Variants in FAT1 observed in about 807,000 individuals in gnomAD.
FAT1 encodes FAT atypical cadherin 1.
A neutral mutation model predicts 329.8 loss-of-function variants in FAT1; 171 were observed. That is an observed-to-expected ratio of 0.52 (90% CI 0.46 to 0.59). FAT1 has a LOEUF of 0.59. FAT1 is among the 20% of genes least tolerant of loss of function. FAT1 has a pLI of 0.00. For missense variants in FAT1, 5,672 were observed against 5,774.4 expected (o/e 0.98, Z 0.57); for synonymous variants, 2,233 against 2,228.6 (o/e 1.00, Z -0.06).
chr4:186,638,959 G>A (rs746154632), intron 4 of FAT1, among the ~76,000 whole-genome samples: 22 of 151,830 alleles, frequency 1.4e-4, no homozygotes, highest in Non-Finnish European at 2.8e-4. Context: ...CTGACGACAC[G>A]GCCCAGAGAT....
chr4:186,602,121 C>A (rs1385213612), intron 20 of FAT1, among the ~76,000 whole-genome samples: 1 of 152,052 alleles, frequency 6.6e-6, no homozygotes, highest in Non-Finnish European at 1.5e-5. Flanking sequence ...CAGAGAAATG[C>A]AAATTAAAAT....
At chr4:186,616,030 G>A (rs917134002) in intron 11 of FAT1, among the ~76,000 whole-genome samples, 10 of 152,042 alleles carry the variant, frequency 6.6e-5, no homozygotes, top group Middle Eastern at 3.4e-3. Context: ...GTAGAAAGTC[G>A]GGCTCGATGG....
intron 3 of FAT1, among the ~76,000 whole-genome samples, chr4:186,652,678 G>A (rs1037441925): frequency 4.6e-5 from 7 of 152,008 alleles, no homozygotes; most frequent in African/African-American, 7.3e-5. Flanking sequence ...CGACTGGCCC[G>A]TCCTTTCCTT....
intron 11 of FAT1, 130 bp from the exon 12 acceptor site, chr4:186,614,474 C>G: frequency 1.6e-6 from 1 of 644,020 alleles, no homozygotes; most frequent in Non-Finnish European, 2.3e-6. Context: ...AGATAAAATC[C>G]CAAGAGCTTT....
At chr4:186,640,266 C>CT (rs75175760) in intron 3 of FAT1, among the ~76,000 whole-genome samples, 6,644 of 152,264 alleles carry the variant, frequency 0.044, 332 homozygotes, top group East Asian at 0.2. Flanking sequence ...CAACAACATA[C>CT]TTTATACTTT....
chr4:186,598,211 C>T lies in FAT1; in HGVS notation c.12104-86G>A, dbSNP rs1263988571. 115 of 1,278,228 alleles carry T rather than the reference C, an allele frequency of 9.0e-5. No individual in the cohort carries two copies. The East Asian group carries it at 2.9e-3, about 33-fold the overall frequency. The allele number at this position is 1,278,228 out of a possible 1,614,324, so 79.2% of individuals were successfully genotyped here. A position where few individuals can be genotyped will look rare whatever the true frequency, so the allele number is the denominator to read the frequency against. On this transcript the variant is annotated intron_variant, in intron 22 of 26. Transcript: ENST00000441802. ...AATTATATTGCTTTTTATCTTTATT[C>T]TCCGAGGTCTGTAAAAGCTCGTAAA...
chr4:186,628,082 T>C, intron 9 of FAT1, 72 bp downstream of exon 9: 1 of 1,506,434 alleles, frequency 6.6e-7, no homozygotes, highest in Non-Finnish European at 9.0e-7. Context: ...TACCCAGAAC[T>C]GATTTTGGAA....
chr4:186,601,851 AACTG>A (rs1168911034), intron 20 of FAT1, among the ~76,000 whole-genome samples: 1 of 152,240 alleles, frequency 6.6e-6, no homozygotes, highest in Non-Finnish European at 1.5e-5. Context: ...AATTATGTAG[AACTG>A]ACTAAATAAC....
intron 1 of FAT1, among the ~76,000 whole-genome samples, chr4:186,718,662 G>A (rs745562994): frequency 6.6e-5 from 10 of 152,160 alleles, no homozygotes; most frequent in South Asian, 4.2e-4. Context: ...GCCAGACTCC[G>A]TCTCAAAAAA....
chr4:186,723,870 G>A (rs1408632196), upstream of FAT1: 1 of 148,810 alleles, frequency 6.7e-6, no homozygotes, highest in South Asian at 2.1e-4. Flanking sequence ...GAGCGCAGGA[G>A]ATCCCTCCGC....
rs141026531 is a variant in FAT1 at position 186,646,943 on chromosome 4, T to C, written c.3581-7160A>G. ...ACTTGGAGAATCATGACTCTACTAA[T>C]TTGTTTTGTTTTTGCTTCTTTTTCC... is the stretch of plus-strand genomic sequence containing the variant. On this transcript the variant is annotated intron_variant, in intron 3 of 26. Coordinates refer to ENST00000441802, the MANE Select transcript of FAT1 (RefSeq NM_005245.4). Among the ~76,000 whole-genome samples the C allele has an allele frequency of 1.3e-3, 204 of 152,226 alleles. 1 individual carries two copies. The highest frequency in any genetic ancestry group is 4.9e-3 in the African/African-American group (202 of 41,534).
At chr4:186,644,654 G>C (rs1387649194) in intron 3 of FAT1, among the ~76,000 whole-genome samples, 1 of 145,536 alleles carries the variant, frequency 6.9e-6, no homozygotes, top group Admixed American at 6.9e-5. Flanking sequence ...ATTTAGAACA[G>C]AGAGAATGTC....
intron 2 of FAT1, among the ~76,000 whole-genome samples, chr4:186,666,621 C>T (rs1457258295): frequency 6.6e-6 from 1 of 152,224 alleles, no homozygotes; most frequent in Non-Finnish European, 1.5e-5. Context: ...AATCCTCCAA[C>T]AATTCATGCT....
chr4:186,691,602 C>G (rs564685670), intron 2 of FAT1, among the ~76,000 whole-genome samples: 1 of 152,030 alleles, frequency 6.6e-6, no homozygotes, highest in East Asian at 1.9e-4. Context: ...CTGAGGAGTT[C>G]GAGACCAGCC....
At chr4:186,714,149 A>C (rs559641317) in intron 1 of FAT1, among the ~76,000 whole-genome samples, 3 of 152,362 alleles carry the variant, frequency 2.0e-5, no homozygotes, top group African/African-American at 4.8e-5. Context: ...CAGCCAGGGC[A>C]GAAGCTGGAG....
intron 3 of FAT1, among the ~76,000 whole-genome samples, chr4:186,661,638 G>GCAT (rs1466921235): frequency 1.3e-5 from 2 of 152,166 alleles, no homozygotes; most frequent in Non-Finnish European, 2.9e-5. Flanking sequence ...TCTTCATCTG[G>GCAT]CTGTTTATTT....
chr4:186,670,939 T>C (rs1300066094), intron 2 of FAT1, among the ~76,000 whole-genome samples: 1 of 152,196 alleles, frequency 6.6e-6, no homozygotes, highest in Non-Finnish European at 1.5e-5. Context: ...GTACCAATAC[T>C]GATTCTTTAA....
intron 3 of FAT1, among the ~76,000 whole-genome samples, chr4:186,643,930 A>G (rs1741231074): frequency 6.6e-6 from 1 of 152,088 alleles, no homozygotes; most frequent in African/African-American, 2.4e-5. Context: ...CATTTTCGAC[A>G]TCTGTGCTCA....
In FAT1 at chr4:186,707,733, C is replaced by T. The variant is rs1744705563; in HGVS notation, c.2095G>A (p.Val699Met). 1.2e-6 allele frequency: 2 copies of T among 1,613,634 alleles called. No individual in the cohort carries two copies. Among genetic ancestry groups the T allele is most frequent in the Admixed American group, 1.7e-5 (1 of 59,992 alleles). The change falls in exon 2 of 27, where the codon GTG becomes ATG. Residue 699 changes from valine (V) to methionine (M), a missense_variant. Coordinates refer to ENST00000441802, the MANE Select transcript of FAT1 (RefSeq NM_005245.4). ...TGAGAATCGAAGAAAATATCCTCCA[C>T]CTCTCCCTGGTTGTGTAATTTATTT... is the stretch of plus-strand genomic sequence containing the variant. Reference protein sequence around the residue: ...QANKLHNQGEVEDIFFDSHSV... With the variant: ...QANKLHNQGEMEDIFFDSHSV...
Sources: gnomAD v4.1 joint callset for allele counts (sites outside exome capture counted in the v4.1 genomes callset) on GRCh38, gnomAD v4.1.1 for gene constraint, MANE v1.5 for transcripts, NCBI Gene and HGNC (gene_info 2026-07-23, HGNC 2026-07-21) for gene names.